RBFOX1: variants seen among roughly 807,000 people sequenced by gnomAD.
RBFOX1 encodes RNA binding protein fox-1 homolog 1.
RBFOX1 carries 8 observed loss-of-function variants against 57.7 expected under a neutral mutation model. The observed-to-expected ratio is 0.14, with a 90% CI of 0.08 to 0.25. RBFOX1 has a LOEUF of 0.25. RBFOX1 is among the 10% of genes least tolerant of loss of function. The pLI, the probability that RBFOX1 is intolerant of heterozygous loss-of-function variation, is 1.00. For synonymous variants in RBFOX1, 326 were observed against 222.4 expected, an observed-to-expected ratio of 1.47 and a Z score of -4.15; for missense variants, 611 against 548.5, an observed-to-expected ratio of 1.11 and a Z score of -1.14.
intron 3 of RBFOX1, among the ~76,000 whole-genome samples, chr16:6,981,945 T>C (rs556221367): frequency 6.6e-6 from 1 of 152,318 alleles, no homozygotes; most frequent in East Asian, 1.9e-4. Context: ...TGTATTACAA[T>C]AGAACTTTTT....
At chr16:5,983,739 T>G (rs2060220676) in intron 4 of RBFOX1, among the ~76,000 whole-genome samples, 1 of 152,116 alleles carries the variant, frequency 6.6e-6, no homozygotes, top group South Asian at 2.1e-4. Context: ...TTTGATTGTT[T>G]CTTCCACTCC....
At chr16:6,015,705 C>A (rs145677049), upstream of RBFOX1, among the ~76,000 whole-genome samples, 115 of 152,280 alleles carry the variant, frequency 7.6e-4, no homozygotes, top group African/African-American at 2.6e-3. Context: ...CATCACCCAA[C>A]TCTCTGTGGA....
intron 4 of RBFOX1, among the ~76,000 whole-genome samples, chr16:7,346,474 C>T (rs1413102624): frequency 6.6e-6 from 1 of 152,128 alleles, no homozygotes; most frequent in Non-Finnish European, 1.5e-5. Context: ...TGCTTTCTGG[C>T]TTCACACCTT....
At chr16:7,103,778 T>G (rs1232045337) in intron 4 of RBFOX1, among the ~76,000 whole-genome samples, 1 of 152,128 alleles carries the variant, frequency 6.6e-6, no homozygotes, top group African/African-American at 2.4e-5. Flanking sequence ...ACCTCTAAGG[T>G]ACCCAGCAAT....
chr16:7,242,681 A>G (rs752472661), intron 4 of RBFOX1, among the ~76,000 whole-genome samples: 15 of 152,164 alleles, frequency 9.9e-5, no homozygotes, highest in East Asian at 1.9e-4. Flanking sequence ...CGTGATTTGC[A>G]TCCATGTGAC....
intron 2 of RBFOX1, among the ~76,000 whole-genome samples, chr16:5,575,248 T>C (rs1345400159): frequency 6.6e-6 from 1 of 152,208 alleles, no homozygotes; most frequent in Non-Finnish European, 1.5e-5. Context: ...TATTAAGGAA[T>C]GGATGAAGTT....
chr16:6,668,074 A>C (rs1019191373), intron 3 of RBFOX1, among the ~76,000 whole-genome samples: 4 of 152,226 alleles, frequency 2.6e-5, no homozygotes, highest in African/African-American at 9.6e-5. Flanking sequence ...CTGGATACCA[A>C]ACCCTCAATT....
At chr16:7,503,682 C>T (rs2071777065) in intron 4 of RBFOX1, among the ~76,000 whole-genome samples, 1 of 152,200 alleles carries the variant, frequency 6.6e-6, no homozygotes. Context: ...AGGATTGAGG[C>T]TTCCCGCATA....
At chr16:6,693,879 A>G (rs1174790095) in intron 3 of RBFOX1, among the ~76,000 whole-genome samples, 1 of 152,244 alleles carries the variant, frequency 6.6e-6, no homozygotes, top group African/African-American at 2.4e-5. Flanking sequence ...ACAGAGTGCC[A>G]TATACAATGT....
intron 3 of RBFOX1, among the ~76,000 whole-genome samples, chr16:6,655,373 C>CA (rs71406388): frequency 0.021 from 697 of 33,662 alleles, 124 homozygotes; most frequent in African/African-American, 0.034. Flanking sequence ...GCCTCCGTTT[C>CA]AAAAAAAAAA....
chr16:5,610,166 A>G (rs1417879030), intron 3 of RBFOX1: 1 of 152,122 alleles, frequency 6.6e-6, no homozygotes, highest in Non-Finnish European at 1.5e-5. Context: ...CTGTCCCGTT[A>G]CCATCAGTCT....
In RBFOX1 at chr16:5,733,562, C is replaced by G. The variant is rs544811523; in HGVS notation, c.319-133741C>G. Among the ~76,000 whole-genome samples, 30 of 152,202 alleles carry G rather than the reference C, an allele frequency of 2.0e-4. No homozygotes were observed. The East Asian group carries it at 4.6e-3, about 23-fold the overall frequency. On this transcript the variant is annotated intron_variant, in intron 3 of 19. Transcript: ENST00000641259. ...CCAGGTCAGCTGGGCAAACTCAGGCCTTAGTTCCTAGAAAGTGATCATGAA... is the reference window on the plus strand; with the variant it reads ...CCAGGTCAGCTGGGCAAACTCAGGCGTTAGTTCCTAGAAAGTGATCATGAA...
At chr16:6,293,110 A>G (rs903767486) in intron 1 of RBFOX1, among the ~76,000 whole-genome samples, 2 of 152,132 alleles carry the variant, frequency 1.3e-5, no homozygotes, top group South Asian at 4.1e-4. Context: ...ATATTCATAT[A>G]TATTCACTAT....
intron 1 of RBFOX1, among the ~76,000 whole-genome samples, chr16:6,313,628 C>T (rs1283594165): frequency 6.6e-6 from 1 of 152,120 alleles, no homozygotes; most frequent in Non-Finnish European, 1.5e-5. Flanking sequence ...AATGCATGAA[C>T]TGAGCATTCA....
At chr16:5,293,803 G>A (rs1263721896) in intron 1 of RBFOX1, among the ~76,000 whole-genome samples, 2 of 151,842 alleles carry the variant, frequency 1.3e-5, no homozygotes, top group African/African-American at 4.8e-5. Flanking sequence ...TTTTTTGGGG[G>A]GGCGGGGGGT....
At chr16:6,526,829 C>CAAAAAAAAAAGAAAA (rs2096585376) in intron 2 of RBFOX1, among the ~76,000 whole-genome samples, 1 of 32,896 alleles carries the variant, frequency 3.0e-5, no homozygotes, top group Non-Finnish European at 5.5e-5. Flanking sequence ...GACTCTGTCT[C>CAAAAAAAAAAGAAAA]AAAAAAAAAA....
At chr16:7,032,540 C>G (rs7196795) in intron 3 of RBFOX1, among the ~76,000 whole-genome samples, 1 of 152,052 alleles carries the variant, frequency 6.6e-6, no homozygotes, top group African/African-American at 2.4e-5. Flanking sequence ...TACAGATCAG[C>G]TAAATCTTAT....
At chr16:6,917,013 C>A (rs2073341715) in intron 3 of RBFOX1, among the ~76,000 whole-genome samples, 1 of 151,986 alleles carries the variant, frequency 6.6e-6, no homozygotes, top group African/African-American at 2.4e-5. Flanking sequence ...TCACATCAGG[C>A]TAATTTTGTA....
chr16:7,420,610 A>C (rs1023202286), intron 4 of RBFOX1, among the ~76,000 whole-genome samples: 2 of 150,170 alleles, frequency 1.3e-5, no homozygotes, highest in African/African-American at 4.9e-5. Context: ...CTTTCTGATG[A>C]TTTTTTTTCC....
Sources: gnomAD v4.1 joint callset for allele counts (sites outside exome capture counted in the v4.1 genomes callset) on GRCh38, gnomAD v4.1.1 for gene constraint, MANE v1.5 for transcripts, NCBI Gene and HGNC (gene_info 2026-07-23, HGNC 2026-07-21) for gene names.